Variants in AMBRA1 observed in about 807,000 individuals in gnomAD.
The protein encoded by AMBRA1 is autophagy and beclin 1 regulator 1, also known as activating molecule in BECN1-regulated autophagy protein 1.
In AMBRA1, 47 loss-of-function variants were observed where a neutral mutation model predicts 125.4. That is an observed-to-expected ratio of 0.37 (90% CI 0.30 to 0.48). The LOEUF (loss-of-function observed/expected upper bound fraction) is 0.48, where lower values mean the gene tolerates loss of function less well. Among genes scored for constraint, AMBRA1 ranks in the 20% least tolerant of loss-of-function variants. AMBRA1 has a pLI of 0.99. For missense variants in AMBRA1, 1,331 were observed against 1,693.4 expected (o/e 0.79, Z 3.76); for synonymous variants, 626 against 655.5 (o/e 0.95, Z 0.69).
At chr11:46,550,852 C>A (rs189688915) in intron 1 of AMBRA1, among the ~76,000 whole-genome samples, 2 of 150,444 alleles carry the variant, frequency 1.3e-5, no homozygotes, top group South Asian at 2.1e-4. Flanking sequence ...TTTGGGAGGC[C>A]GAGACGGGCG....
intron 1 of AMBRA1, among the ~76,000 whole-genome samples, chr11:46,586,735 T>G (rs1479085889): frequency 1.3e-5 from 2 of 152,210 alleles, no homozygotes; most frequent in Non-Finnish European, 2.9e-5. Context: ...TATGGTATTT[T>G]ACAGATGAGG....
chr11:46,404,140 G>A (rs1286517992), intron 17 of AMBRA1, among the ~76,000 whole-genome samples: 1 of 152,226 alleles, frequency 6.6e-6, no homozygotes, highest in African/African-American at 2.4e-5. Context: ...AGTGAGCCGT[G>A]TTCGTGTCAC....
chr11:46,448,585 A>G (rs575730540), intron 11 of AMBRA1, among the ~76,000 whole-genome samples: 6 of 152,274 alleles, frequency 3.9e-5, no homozygotes, highest in African/African-American at 1.4e-4. Flanking sequence ...ACCCAAAGTA[A>G]GCAGAAGAAA....
chr11:46,572,966 C>CT (rs1180427395), intron 1 of AMBRA1, among the ~76,000 whole-genome samples: 3 of 151,674 alleles, frequency 2.0e-5, no homozygotes, highest in African/African-American at 7.3e-5. Flanking sequence ...TGGTGGACGC[C>CT]TGTAATCCCA....
At position 46,585,214 on chromosome 11, in the gene AMBRA1, G is replaced by A. The variant is rs1024094405; in HGVS notation, c.-121+8614C>T. ...AAGTATCCAGGGACACAAACACTGC[G>A]GAAGGCCGCAGGGTCCTCTGCCTAG... On this transcript the variant is annotated intron_variant, in intron 1 of 17. Coordinates refer to ENST00000683756, the MANE Select transcript of AMBRA1 (RefSeq NM_001387011.1). Among the ~76,000 whole-genome samples the A allele has an allele frequency of 5.3e-5, 8 of 152,146 alleles. No individual in the cohort carries two copies. The South Asian group carries it at 1.5e-3, about 28-fold the overall frequency.
chr11:46,418,685 C>T (rs542396909), intron 14 of AMBRA1, among the ~76,000 whole-genome samples: 1 of 152,040 alleles, frequency 6.6e-6, no homozygotes, highest in East Asian at 1.9e-4. Context: ...TTAACTCATG[C>T]CTGAGAACTT....
rs187180702 is a variant in AMBRA1 at position 46,520,856 on chromosome 11, C to T, written c.2073-8043G>A. On this transcript the variant is annotated intron_variant, in intron 7 of 17. Transcript: ENST00000683756. Reference sequence around the variant, plus strand: ...TCCTGACCTCGTGATCCGCCCGCCTCGGCCTCCCAAAGTGTTGGGATTACA... The same window carrying T: ...TCCTGACCTCGTGATCCGCCCGCCTTGGCCTCCCAAAGTGTTGGGATTACA... Among the ~76,000 whole-genome samples, 333 of 151,496 alleles carry T rather than the reference C, an allele frequency of 2.2e-3. 4 individuals are homozygous for T. The highest frequency in any genetic ancestry group is 0.016 in the Admixed American group (237 of 15,218).
At chr11:46,398,850 T>C (rs1945580322) in intron 17 of AMBRA1, among the ~76,000 whole-genome samples, 1 of 152,098 alleles carries the variant, frequency 6.6e-6, no homozygotes, top group Non-Finnish European at 1.5e-5. Context: ...CTTGGCTCAC[T>C]GCAACCTCCG....
intron 1 of AMBRA1, among the ~76,000 whole-genome samples, chr11:46,557,882 G>T (rs1248008965): frequency 6.6e-6 from 1 of 151,818 alleles, no homozygotes; most frequent in African/African-American, 2.4e-5. Context: ...CGAGGCAAGA[G>T]AATCACTTGA....
chr11:46,560,799 G>C (rs1239517131), intron 1 of AMBRA1, among the ~76,000 whole-genome samples: 1 of 152,086 alleles, frequency 6.6e-6, no homozygotes, highest in South Asian at 2.1e-4. Context: ...TTTCCTATTA[G>C]CAAGCAACAA....
chr11:46,478,915 T>C (rs1416789080), intron 11 of AMBRA1, among the ~76,000 whole-genome samples: 2 of 152,130 alleles, frequency 1.3e-5, no homozygotes, highest in Admixed American at 6.6e-5. Context: ...AAAAGCAATT[T>C]GTGCTGGACG....
intron 11 of AMBRA1, among the ~76,000 whole-genome samples, chr11:46,475,510 C>T (rs1949780725): frequency 6.6e-6 from 1 of 152,200 alleles, no homozygotes; most frequent in African/African-American, 2.4e-5. Context: ...CCCCTCCCAT[C>T]ACAGACTATC....
At chr11:46,503,060 C>CAAA (rs35217088) in intron 9 of AMBRA1, among the ~76,000 whole-genome samples, 26 of 30,984 alleles carry the variant, frequency 8.4e-4, no homozygotes, top group East Asian at 1.4e-3. Flanking sequence ...GACTCTGTCT[C>CAAA]AAAAAAAAAA....
chr11:46,424,427 A>T (rs146791287), intron 14 of AMBRA1, among the ~76,000 whole-genome samples: 5 of 152,286 alleles, frequency 3.3e-5, no homozygotes, highest in African/African-American at 1.2e-4. Flanking sequence ...TTATTTTTCA[A>T]TTGGCCCGCT....
intron 14 of AMBRA1, among the ~76,000 whole-genome samples, chr11:46,427,316 TCAGCAGCAG>T (rs772856782): frequency 1.3e-5 from 2 of 152,148 alleles, no homozygotes; most frequent in South Asian, 2.1e-4. Flanking sequence ...ATGAACTTGA[TCAGCAGCAG>T]CAGCAGCAGC....
At chr11:46,454,579 CAAAAAAAAAAAAA>C (rs777518872) in intron 11 of AMBRA1, among the ~76,000 whole-genome samples, 1 of 50,500 alleles carries the variant, frequency 2.0e-5, no homozygotes, top group Non-Finnish European at 5.4e-5. Flanking sequence ...ACTAAAAATA[CAAAAAAAAAAAAA>C]AAAAAAAAAT....
intron 12 of AMBRA1, among the ~76,000 whole-genome samples, chr11:46,443,031 C>G (rs1210159055): frequency 6.6e-6 from 1 of 152,152 alleles, no homozygotes; most frequent in Non-Finnish European, 1.5e-5. Flanking sequence ...CTGTAACTCT[C>G]AATTAAGCAA....
chr11:46,588,393 G>T (rs1217853346), intron 1 of AMBRA1, among the ~76,000 whole-genome samples: 1 of 152,140 alleles, frequency 6.6e-6, no homozygotes, highest in Non-Finnish European at 1.5e-5. Context: ...GTTCATTGTT[G>T]TTGTAAAATA....
chr11:46,589,383 GCTCT>G (rs948462753), intron 1 of AMBRA1, among the ~76,000 whole-genome samples: 38 of 152,148 alleles, frequency 2.5e-4, no homozygotes, highest in African/African-American at 8.0e-4. Flanking sequence ...GACACTGAAA[GCTCT>G]CTCTGAGTTT....
Sources: gnomAD v4.1 joint callset for allele counts (sites outside exome capture counted in the v4.1 genomes callset) on GRCh38, gnomAD v4.1.1 for gene constraint, MANE v1.5 for transcripts, NCBI Gene and HGNC (gene_info 2026-07-23, HGNC 2026-07-21) for gene names.